CADM2: variants seen among roughly 807,000 people sequenced by gnomAD.
The protein encoded by CADM2 is immunoglobulin superfamily member 4D.
Under a neutral mutation model 49.8 loss-of-function variants are expected in CADM2, and 12 were observed. The ratio of observed to expected loss-of-function variants is 0.24; its 90% CI spans 0.15 to 0.39. CADM2 has a LOEUF of 0.39. Ranked by LOEUF, CADM2 falls within the 10% of genes least tolerant of loss-of-function variation. CADM2 has a pLI of 1.00. For missense variants in CADM2, 378 were observed against 492.3 expected (o/e 0.77, Z 2.20); for synonymous variants, 214 against 175.4 (o/e 1.22, Z -1.74).
chr3:85,449,160 T>C (rs924301147), intron 1 of CADM2, among the ~76,000 whole-genome samples: 1 of 151,100 alleles, frequency 6.6e-6, no homozygotes, highest in Non-Finnish European at 1.5e-5. Context: ...AAAGAGATAA[T>C]TCAGTCTTCA....
Position 84,965,298 on chromosome 3 carries a change from G to A in CADM2, c.61+5630G>A, listed in dbSNP as rs6799413. Among the ~76,000 whole-genome samples the A allele has an allele frequency of 4.7e-3, 717 of 152,272 alleles. 5 individuals are homozygous for A. Among genetic ancestry groups the A allele is most frequent in the African/African-American group, 0.017 (690 of 41,544 alleles). ...GCTGTGGCAGCTGAAGCCCCCTGCT[G>A]TGTGATGATGCAAATGGCATCTCAG... On this transcript the variant is annotated intron_variant, in intron 1 of 9. Transcript: ENST00000383699.
At chr3:85,948,565 T>G (rs1723020321) in intron 7 of CADM2, among the ~76,000 whole-genome samples, 1 of 151,408 alleles carries the variant, frequency 6.6e-6, no homozygotes, top group Admixed American at 6.6e-5. Flanking sequence ...TTCTTATTCC[T>G]TAGCCACTTA....
intron 1 of CADM2, among the ~76,000 whole-genome samples, chr3:85,202,077 T>TG (rs1382217926): frequency 8.3e-4 from 55 of 66,630 alleles, no homozygotes; most frequent in African/African-American, 4.2e-3. Context: ...AGACTCTGTC[T>TG]GAAAAAAAAA....
At chr3:85,200,742 C>T (rs887707868) in intron 1 of CADM2, among the ~76,000 whole-genome samples, 2 of 152,014 alleles carry the variant, frequency 1.3e-5, no homozygotes, top group African/African-American at 2.4e-5. Context: ...TTTTTACAAC[C>T]TTATATTTCA....
At chr3:85,528,997 A>T (rs2061235955) in intron 1 of CADM2, among the ~76,000 whole-genome samples, 1 of 152,190 alleles carries the variant, frequency 6.6e-6, no homozygotes, top group Non-Finnish European at 1.5e-5. Context: ...AAAACTTTAC[A>T]TGTATCACTT....
chr3:85,462,439 A>C (rs1252433518), intron 1 of CADM2, among the ~76,000 whole-genome samples: 2 of 152,190 alleles, frequency 1.3e-5, no homozygotes, highest in Admixed American at 1.3e-4. Flanking sequence ...TGTTATTGAA[A>C]GTTTACTTGG....
At chr3:85,928,941 T>TA (rs1403871496) in intron 6 of CADM2, among the ~76,000 whole-genome samples, 1 of 152,126 alleles carries the variant, frequency 6.6e-6, no homozygotes, top group Non-Finnish European at 1.5e-5. Flanking sequence ...GTATATTTAA[T>TA]AAATACAACG....
Position 85,856,557 on chromosome 3 carries a change from A to G in CADM2, c.239-26734A>G, listed in dbSNP as rs115752735. Among the ~76,000 whole-genome samples the G allele has an allele frequency of 6.6e-3, 999 of 152,328 alleles. 4 individuals carry two copies. Among genetic ancestry groups the G allele is most frequent in the Non-Finnish European group, 9.4e-3 (641 of 68,022 alleles). ...TAATATTTTCTTTTCTTTGTGTTCT[A>G]TACTGTTAAATTACTATCAGAAATA... On this transcript the variant is annotated intron_variant, in intron 3 of 9. Transcript: ENST00000383699.
At chr3:85,975,560 A>T (rs185137152) in intron 8 of CADM2, among the ~76,000 whole-genome samples, 6,166 of 151,550 alleles carry the variant, frequency 0.041, 408 homozygotes, top group African/African-American at 0.14. Flanking sequence ...TTTTTATTAG[A>T]ACATATTTTA....
chr3:85,753,768 C>T (rs576692497), intron 2 of CADM2, among the ~76,000 whole-genome samples: 14 of 152,064 alleles, frequency 9.2e-5, no homozygotes, highest in African/African-American at 3.1e-4. Context: ...TGTTAGTGGC[C>T]GCGAACTCGT....
At chr3:85,890,900 G>A (rs1714343535) in intron 5 of CADM2, among the ~76,000 whole-genome samples, 1 of 152,098 alleles carries the variant, frequency 6.6e-6, no homozygotes, top group Non-Finnish European at 1.5e-5. Context: ...AAATAACTAT[G>A]AAACTTTATG....
chr3:85,908,839 C>T (rs975505896), intron 5 of CADM2, among the ~76,000 whole-genome samples: 1 of 151,868 alleles, frequency 6.6e-6, no homozygotes, highest in African/African-American at 2.4e-5. Flanking sequence ...ATTCTTCTGC[C>T]TCAGCCTCCT....
At chr3:85,814,054 AT>A (rs200811144) in intron 3 of CADM2, among the ~76,000 whole-genome samples, 5 of 151,708 alleles carry the variant, frequency 3.3e-5, no homozygotes, top group Non-Finnish European at 5.9e-5. Context: ...AGTTTAAAGA[AT>A]TTTTTTTTCT....
chr3:86,029,218 G>A (rs1312900181), intron 8 of CADM2, among the ~76,000 whole-genome samples: 1 of 152,106 alleles, frequency 6.6e-6, no homozygotes, highest in African/African-American at 2.4e-5. Flanking sequence ...TCAGACACAG[G>A]AGTAACATGA....
At chr3:85,044,458 GATCTGTTCTCTCTGC>G (rs1398070328) in intron 1 of CADM2, among the ~76,000 whole-genome samples, 2 of 152,162 alleles carry the variant, frequency 1.3e-5, no homozygotes, top group Non-Finnish European at 2.9e-5. Context: ...CAGTTGGAAG[GATCTGTTCTCTCTGC>G]ATTATGAAGG....
At chr3:85,473,779 T>G (rs2038864664) in intron 1 of CADM2, among the ~76,000 whole-genome samples, 1 of 152,106 alleles carries the variant, frequency 6.6e-6, no homozygotes, top group Non-Finnish European at 1.5e-5. Flanking sequence ...ATTGTGTTAC[T>G]ATTGTAGGTT....
At chr3:85,552,365 A>ATTTT in intron 1 of CADM2, among the ~76,000 whole-genome samples, 1 of 111,880 alleles carries the variant, frequency 8.9e-6, no homozygotes, top group Non-Finnish European at 1.7e-5. Context: ...CACTTTGAAA[A>ATTTT]GTTTTTTTTT....
At chr3:86,002,626 AT>A (rs1476513151) in intron 8 of CADM2, among the ~76,000 whole-genome samples, 2 of 152,190 alleles carry the variant, frequency 1.3e-5, no homozygotes, top group Non-Finnish European at 2.9e-5. Flanking sequence ...TAAGTTTAAT[AT>A]TTATGCTACC....
intron 1 of CADM2, among the ~76,000 whole-genome samples, chr3:85,293,920 T>A (rs1179327172): frequency 6.6e-6 from 1 of 152,020 alleles, no homozygotes; most frequent in African/African-American, 2.4e-5. Context: ...TTCAACATAG[T>A]GTTGGAAGTT....
Sources: allele counts gnomAD v4.1 joint callset (sites outside exome capture counted in the v4.1 genomes callset), GRCh38; gene constraint gnomAD v4.1.1; transcripts MANE v1.5; gene names NCBI Gene and HGNC (gene_info 2026-07-23, HGNC 2026-07-21).